PLCH1: variants seen among roughly 807,000 people sequenced by gnomAD.
The protein encoded by PLCH1 is phospholipase C eta 1, also known as 1-phosphatidylinositol 4,5-bisphosphate phosphodiesterase eta-1.
A neutral mutation model predicts 126.7 loss-of-function variants in PLCH1; 60 were observed. The ratio of observed to expected loss-of-function variants is 0.47; its 90% CI spans 0.38 to 0.59. The LOEUF (loss-of-function observed/expected upper bound fraction) is 0.59, where lower values mean the gene tolerates loss of function less well. PLCH1 is among the 20% of genes least tolerant of loss of function. The pLI is 0.00. For synonymous variants in PLCH1, 719 were observed against 734.9 expected, an observed-to-expected ratio of 0.98 and a Z score of 0.35; for missense variants, 1,723 against 2,040.0, an observed-to-expected ratio of 0.84 and a Z score of 2.99.
At chr3:155,468,313 C>A (rs1713005600) in intron 21 of PLCH1, among the ~76,000 whole-genome samples, 1 of 152,024 alleles carries the variant, frequency 6.6e-6, no homozygotes, top group African/African-American at 2.4e-5. Context: ...ATCACCTTTA[C>A]TAGGGGAAGA....
At chr3:155,630,529 C>T (rs1018841806) in intron 2 of PLCH1, among the ~76,000 whole-genome samples, 3 of 152,208 alleles carry the variant, frequency 2.0e-5, no homozygotes, top group African/African-American at 7.2e-5. Context: ...GGTCTTTGGG[C>T]TGCCTGCAAG....
intron 10 of PLCH1, among the ~76,000 whole-genome samples, chr3:155,542,724 G>A (rs1374934982): frequency 6.6e-6 from 1 of 152,198 alleles, no homozygotes; most frequent in Non-Finnish European, 1.5e-5. Context: ...AGCATTTGCG[G>A]TTCACGAAAA....
intron 8 of PLCH1, among the ~76,000 whole-genome samples, chr3:155,561,114 C>CT (rs11344107): frequency 4.7e-4 from 70 of 149,900 alleles, no homozygotes; most frequent in African/African-American, 1.4e-3. Context: ...ATCACCTTTT[C>CT]TTTTTTTTTT....
intron 1 of PLCH1, among the ~76,000 whole-genome samples, chr3:155,718,619 C>T (rs1747700894): frequency 6.6e-6 from 1 of 152,100 alleles, no homozygotes; most frequent in Admixed American, 6.6e-5. Flanking sequence ...AGGTGTCTCA[C>T]ATGGCAGAAA....
At chr3:155,601,799 G>A (rs551619301) in intron 2 of PLCH1, among the ~76,000 whole-genome samples, 1 of 152,164 alleles carries the variant, frequency 6.6e-6, no homozygotes, top group East Asian at 1.9e-4. Flanking sequence ...TTGTGTGACA[G>A]TCTAATCACA....
intron 1 of PLCH1, among the ~76,000 whole-genome samples, chr3:155,731,910 G>C (rs1748798540): frequency 6.7e-6 from 1 of 149,280 alleles, no homozygotes; most frequent in Admixed American, 6.7e-5. Flanking sequence ...TTGATCACTT[G>C]AGGTTAAGGC....
chr3:155,642,210 C>G (rs891230630), intron 2 of PLCH1, among the ~76,000 whole-genome samples: 1 of 152,196 alleles, frequency 6.6e-6, no homozygotes, highest in Non-Finnish European at 1.5e-5. Flanking sequence ...CACGGTCACA[C>G]AGCCTGTAAG....
chr3:155,532,862 T>C (rs1280638906), intron 10 of PLCH1, among the ~76,000 whole-genome samples: 1 of 152,208 alleles, frequency 6.6e-6, no homozygotes, highest in Non-Finnish European at 1.5e-5. Context: ...GGTACTGCTA[T>C]ACAGATACTT....
chr3:155,710,852 A>G (rs1747073146), intron 1 of PLCH1, among the ~76,000 whole-genome samples: 1 of 151,056 alleles, frequency 6.6e-6, no homozygotes, highest in African/African-American at 2.4e-5. Flanking sequence ...AAAAAAAACT[A>G]GTTTTAAAAT....
At chr3:155,518,709 A>G (rs780802889) in intron 11 of PLCH1, among the ~76,000 whole-genome samples, 1 of 152,152 alleles carries the variant, frequency 6.6e-6, no homozygotes. Context: ...CCAGGGCCCA[A>G]AGGAGTGTGC....
Position 155,661,157 on chromosome 3 carries a change from CT to C in PLCH1, c.79+42988del, listed in dbSNP as rs919454663. Reference sequence around the variant, plus strand: ...TACCATATAAGAGGCAAACAATCAACTTTTTCAACAACTTTGTAGTTCACAT... The same window carrying C: ...TACCATATAAGAGGCAAACAATCAACTTTTCAACAACTTTGTAGTTCACAT... On this transcript the variant is annotated intron_variant, in intron 2 of 22. Transcript: ENST00000460012. Among the ~76,000 whole-genome samples the C allele has an allele frequency of 1.2e-4, 18 of 152,262 alleles. No individual in the cohort carries two copies. In the South Asian group the frequency reaches 1.2e-3, roughly 11 times the overall value.
intron 4 of PLCH1, among the ~76,000 whole-genome samples, chr3:155,590,245 GTTACATGTTTATCAAA>G (rs545431478): frequency 5.5e-4 from 83 of 152,232 alleles, no homozygotes; most frequent in African/African-American, 1.9e-3. Flanking sequence ...CATTAATGTA[GTTACATGTTTATCAAA>G]TTAAGGATGT....
intron 2 of PLCH1, among the ~76,000 whole-genome samples, chr3:155,655,541 G>A (rs911233919): frequency 3.3e-5 from 5 of 152,132 alleles, no homozygotes; most frequent in Non-Finnish European, 7.3e-5. Context: ...AATTCTCGCA[G>A]ATAACAGCAG....
At chr3:155,544,292 G>A (rs947507614) in intron 10 of PLCH1, among the ~76,000 whole-genome samples, 23 of 152,258 alleles carry the variant, frequency 1.5e-4, no homozygotes, top group African/African-American at 5.5e-4. Context: ...GACAAAGAAG[G>A]CCATTACATA....
chr3:155,470,280 C>G (rs1371229075), intron 21 of PLCH1, among the ~76,000 whole-genome samples: 2 of 152,080 alleles, frequency 1.3e-5, no homozygotes, highest in Admixed American at 1.3e-4. Context: ...GTGAAGAATA[C>G]AGAAGCCTTA....
chr3:155,458,643 G>T (rs573093339), intron 21 of PLCH1, among the ~76,000 whole-genome samples: 2 of 152,112 alleles, frequency 1.3e-5, no homozygotes, highest in Admixed American at 6.5e-5. Flanking sequence ...GGGTAAACTG[G>T]AAATGTGGAC....
At chr3:155,451,143 C>A (rs900405101) in intron 21 of PLCH1, among the ~76,000 whole-genome samples, 2 of 151,576 alleles carry the variant, frequency 1.3e-5, no homozygotes, top group Admixed American at 6.6e-5. Flanking sequence ...ACCAATCATT[C>A]AAGAAATAAA....
In PLCH1 at chr3:155,611,604, C is replaced by G. The variant is rs151134141; in HGVS notation, c.80-15226G>C. Among the ~76,000 whole-genome samples, 986 of 152,208 alleles carry G rather than the reference C, an allele frequency of 6.5e-3. 15 individuals carry two copies. Among genetic ancestry groups the G allele is most frequent in the African/African-American group, 0.022 (932 of 41,532 alleles). ...TCAATCCTCCACTGACAGCACTAGA[C>G]AGGTCATCAAGACAGAAAGTCAACA... On this transcript the variant is annotated intron_variant, in intron 2 of 22. Coordinates refer to ENST00000460012, the MANE Select transcript of PLCH1 (RefSeq NM_014996.4).
intron 7 of PLCH1, among the ~76,000 whole-genome samples, chr3:155,565,333 A>C (rs1240116478): frequency 6.6e-6 from 1 of 152,120 alleles, no homozygotes; most frequent in Non-Finnish European, 1.5e-5. Context: ...TTGAAATATA[A>C]TCCCCTATGT....
Sources: allele counts gnomAD v4.1 joint callset (sites outside exome capture counted in the v4.1 genomes callset), GRCh38; gene constraint gnomAD v4.1.1; transcripts MANE v1.5; gene names NCBI Gene and HGNC (gene_info 2026-07-23, HGNC 2026-07-21).